The following CKMT2 variants were observed in gnomAD, a reference collection of about 807,000 sequenced individuals.
CKMT2 encodes the protein creatine kinase S-type, mitochondrial.
CKMT2 carries 43 observed loss-of-function variants against 48.9 expected under a neutral mutation model. That is an observed-to-expected ratio of 0.88 (90% CI 0.69 to 1.13). The LOEUF (loss-of-function observed/expected upper bound fraction) is 1.13, where lower values mean the gene tolerates loss of function less well. Ranked by LOEUF, CKMT2 falls within the 50% of genes most tolerant of loss-of-function variation. CKMT2 has a pLI of 0.00. For missense variants in CKMT2, 472 were observed against 555.4 expected, an observed-to-expected ratio of 0.85 and a Z score of 1.51; for synonymous variants, 206 against 213.0, an observed-to-expected ratio of 0.97 and a Z score of 0.29.
intron 7 of CKMT2, among the ~76,000 whole-genome samples, chr5:81,258,309 A>C (rs1353877591): frequency 6.6e-6 from 1 of 152,154 alleles, no homozygotes; most frequent in Non-Finnish European, 1.5e-5. Context: ...GTTATTAGAA[A>C]GCTATTACGC....
intron 9 of CKMT2, among the ~76,000 whole-genome samples, chr5:81,264,652 T>A (rs4703828): frequency 0.35 from 53,287 of 151,998 alleles, 9,835 homozygotes; most frequent in Admixed American, 0.48. Flanking sequence ...CTATCCCTGT[T>A]GATTCTAATA....
Position 81,251,189 on chromosome 5 carries a change from T to C in CKMT2, c.57T>C (p.Ala19=). ...GCCGCAATGCTTCTCTGCTGTTTGC[T>C]ACCATGGGCACCAGTGTCCTGACCA... ...LTGRNASLLF[A]TMGTSVLTTG... is the part of the protein sequence containing the mutation. The change falls in exon 2 of 10, where the codon GCT becomes GCC. Residue 19 remains alanine, a synonymous_variant. Coordinates refer to ENST00000254035, the MANE Select transcript of CKMT2 (RefSeq NM_001099735.2). 6.2e-7 allele frequency: 1 copy of C among 1,614,138 alleles called. No individual in the cohort carries two copies. Among genetic ancestry groups the C allele is most frequent in the Non-Finnish European group, 8.5e-7 (1 of 1,180,000 alleles).
intron 1 of CKMT2, chr5:81,243,997 A>G (rs894600439): frequency 8.1e-6 from 8 of 982,604 alleles, no homozygotes; most frequent in Non-Finnish European, 9.7e-6. Context: ...CCAGTCCCTA[A>G]TATGATCTTA....
At chr5:81,255,791 G>A (rs551103682) in intron 5 of CKMT2, among the ~76,000 whole-genome samples, 1 of 150,864 alleles carries the variant, frequency 6.6e-6, no homozygotes, top group Non-Finnish European at 1.5e-5. Flanking sequence ...AAACAAGATG[G>A]CATTTTCAAA....
chr5:81,263,622 GTCTC>G lies in CKMT2; in HGVS notation c.1140+11_1140+14del. On this transcript the variant is annotated splice_region_variant and intron_variant, in intron 9 of 9. Coordinates refer to ENST00000254035, the MANE Select transcript of CKMT2 (RefSeq NM_001099735.2). ...ATAGAATTGGTCGATCAGAGGTAACGTCTCTCTCACTTTCCTAACATGAACTAAC... is the reference window on the plus strand; with the variant it reads ...ATAGAATTGGTCGATCAGAGGTAACGTCTCACTTTCCTAACATGAACTAAC... 3.7e-6 allele frequency: 6 copies of G among 1,608,162 alleles called. No individual in the cohort carries two copies. The highest frequency in any genetic ancestry group is 5.1e-6 in the Non-Finnish European group (6 of 1,176,248).
At chr5:81,263,721 CT>C in intron 9 of CKMT2, 105 bp downstream of exon 9, 1 of 1,044,168 alleles carries the variant, frequency 9.6e-7, no homozygotes, top group Non-Finnish European at 1.4e-6. Context: ...GAGACCTCCT[CT>C]TCGCCCATTG....
chr5:81,235,700 T>C (rs1756223284), intron 1 of CKMT2: 1 of 152,040 alleles, frequency 6.6e-6, no homozygotes, highest in South Asian at 2.1e-4. Context: ...ACTCCCAGTA[T>C]ACCTGCCTGG....
At chr5:81,244,527 G>T (rs750988355) in intron 1 of CKMT2, among the ~76,000 whole-genome samples, 14 of 152,168 alleles carry the variant, frequency 9.2e-5, no homozygotes, top group South Asian at 4.1e-4. Context: ...ACAGTTACAC[G>T]AAATGAGGCA....
chr5:81,266,271 C>A lies in CKMT2; in HGVS notation c.*13C>A. 6.2e-7 allele frequency: 1 copy of A among 1,611,626 alleles called. No homozygotes were observed. The highest frequency in any genetic ancestry group is 1.1e-5 in the South Asian group (1 of 90,966). ...TGGCAAAAAGTAAACTTTCCCTTTC[C>A]CAATTTATAAATAATCTGTCTGCTG... On this transcript the variant is annotated 3_prime_UTR_variant, in exon 10 of 10. Coordinates refer to ENST00000254035, the MANE Select transcript of CKMT2 (RefSeq NM_001099735.2).
chr5:81,250,940 A>AAAACACAC (rs373408385), intron 1 of CKMT2, among the ~76,000 whole-genome samples, 173 bp from the exon 2 acceptor site: 1 of 132,998 alleles, frequency 7.5e-6, no homozygotes, highest in African/African-American at 3.0e-5. Flanking sequence ...AGAAATAGAA[A>AAAACACAC]ACACACACAC....
intron 9 of CKMT2, among the ~76,000 whole-genome samples, chr5:81,265,136 T>C (rs1757345221): frequency 1.3e-5 from 2 of 152,164 alleles, no homozygotes; most frequent in Non-Finnish European, 1.5e-5. Flanking sequence ...AAACCAGAGT[T>C]CCCTATTTAT....
At chr5:81,247,626 T>C (rs1434733359) in intron 1 of CKMT2, among the ~76,000 whole-genome samples, 2 of 152,220 alleles carry the variant, frequency 1.3e-5, no homozygotes, top group African/African-American at 2.4e-5. Context: ...TGATTCTGGG[T>C]CTTTGGAGAG....
At chr5:81,254,954 CCG>C in intron 4 of CKMT2, 37 bp from the exon 5 acceptor site, 1 of 1,562,358 alleles carries the variant, frequency 6.4e-7, no homozygotes, top group Non-Finnish European at 8.8e-7. Flanking sequence ...GGACCATGGT[CCG>C]AGGCTGGCCA....
chr5:81,252,624 A>T, intron 2 of CKMT2, 71 bp from the exon 3 acceptor site: 1 of 1,515,834 alleles, frequency 6.6e-7, no homozygotes, highest in Non-Finnish European at 9.1e-7. Context: ...GGATGGGCAA[A>T]CAACAAGTCC....
chr5:81,261,216 T>G (rs1580457611), intron 8 of CKMT2, among the ~76,000 whole-genome samples: 1 of 152,282 alleles, frequency 6.6e-6, no homozygotes, highest in East Asian at 1.9e-4. Context: ...GGAACATATC[T>G]CAAAATTATA....
chr5:81,254,473 G>C lies in CKMT2; in HGVS notation c.429G>C (p.Thr143=), dbSNP rs146777847. The change falls in exon 4 of 10, where the codon ACG becomes ACC. Residue 143 remains threonine, a synonymous_variant. Transcript: ENST00000254035. ...GYDPRVMKHT[T]DLDASKITQG... ...ACCCCAGGGTGATGAAGCACACAACGGATCTGGATGCATCAAAGGTAGGCT... is the reference window on the plus strand; with the variant it reads ...ACCCCAGGGTGATGAAGCACACAACCGATCTGGATGCATCAAAGGTAGGCT... The C allele has an allele frequency of 6.2e-7, 1 of 1,614,058 alleles. No individual in the cohort carries two copies. The highest frequency in any genetic ancestry group is 8.5e-7 in the Non-Finnish European group (1 of 1,179,960).
intron 1 of CKMT2, chr5:81,243,955 A>C: frequency 2.3e-6 from 2 of 887,222 alleles, no homozygotes; most frequent in Non-Finnish European, 2.7e-6. Context: ...GGCCTCCCAA[A>C]GTGCTGGGAT....
chr5:81,252,471 G>GC (rs915850472), intron 2 of CKMT2, among the ~76,000 whole-genome samples: 1 of 152,218 alleles, frequency 6.6e-6, no homozygotes, highest in African/African-American at 2.4e-5. Flanking sequence ...GGTTTCAACA[G>GC]CCAGGGACTG....
intron 6 of CKMT2, 31 bp downstream of exon 6, chr5:81,257,031 A>T (rs549648001): frequency 6.4e-7 from 1 of 1,573,136 alleles, no homozygotes; most frequent in East Asian, 2.2e-5. Context: ...CATTTGCAAT[A>T]TCTGTAGAGG....
Sources: gnomAD v4.1 joint callset for allele counts (sites outside exome capture counted in the v4.1 genomes callset) on GRCh38, gnomAD v4.1.1 for gene constraint, MANE v1.5 for transcripts, NCBI Gene and HGNC (gene_info 2026-07-23, HGNC 2026-07-21) for gene names.